PRRX1: variants seen among roughly 807,000 people sequenced by gnomAD.
PRRX1 encodes the protein paired mesoderm homeobox protein 1.
PRRX1 carries 8 observed loss-of-function variants against 24.0 expected under a neutral mutation model. The ratio of observed to expected loss-of-function variants is 0.33; its 90% CI spans 0.20 to 0.60. PRRX1 has a LOEUF of 0.60. Ranked by LOEUF, PRRX1 falls within the 20% of genes least tolerant of loss-of-function variation. PRRX1 has a pLI of 0.82. For synonymous variants in PRRX1, 160 were observed against 131.7 expected (o/e 1.22, Z -1.47); for missense variants, 281 against 322.4 (o/e 0.87, Z 0.98).
chr1:170,696,369 T>C (rs1654169615), intron 1 of PRRX1, among the ~76,000 whole-genome samples: 1 of 152,210 alleles, frequency 6.6e-6, no homozygotes, highest in South Asian at 2.1e-4. Context: ...TATTCTCTAG[T>C]GTGCGGTTCT....
At chr1:170,720,658 T>C (rs1437248978) in intron 2 of PRRX1, among the ~76,000 whole-genome samples, 1 of 152,190 alleles carries the variant, frequency 6.6e-6, no homozygotes, top group African/African-American at 2.4e-5. Flanking sequence ...TAAGTACACA[T>C]GAGTATGAGC....
chr1:170,728,670 A>G (rs187805322), intron 3 of PRRX1: 1 of 152,356 alleles, frequency 6.6e-6, no homozygotes, highest in East Asian at 1.9e-4. Context: ...TATAAGCAGA[A>G]AAGTGATGTT....
intron 3 of PRRX1, among the ~76,000 whole-genome samples, chr1:170,734,067 T>C (rs367969473): frequency 2.6e-5 from 4 of 152,130 alleles, no homozygotes; most frequent in African/African-American, 9.6e-5. Context: ...TAATAACTTG[T>C]TCAGTTTTTA....
At chr1:170,714,979 T>C (rs1318825829) in intron 1 of PRRX1, among the ~76,000 whole-genome samples, 1 of 152,190 alleles carries the variant, frequency 6.6e-6, no homozygotes, top group African/African-American at 2.4e-5. Flanking sequence ...TTAGTACCTC[T>C]TTCTTGTGTA....
chr1:170,672,230 C>A (rs1276911524), intron 1 of PRRX1, among the ~76,000 whole-genome samples: 1 of 152,180 alleles, frequency 6.6e-6, no homozygotes, highest in Non-Finnish European at 1.5e-5. Context: ...TTAACCCCTT[C>A]TGTAAATTTA....
At chr1:170,686,714 T>C (rs1016646569) in intron 1 of PRRX1, among the ~76,000 whole-genome samples, 2 of 152,164 alleles carry the variant, frequency 1.3e-5, no homozygotes, top group Non-Finnish European at 2.9e-5. Context: ...GATTTACCAC[T>C]TGGTGTATTC....
intron 1 of PRRX1, 79 bp from the exon 2 acceptor site, chr1:170,719,647 A>C: frequency 6.9e-7 from 1 of 1,443,980 alleles, no homozygotes; most frequent in Non-Finnish European, 9.6e-7. Context: ...AGATCTCACT[A>C]TAGATATACC....
At chr1:170,673,169 A>G (rs896398510) in intron 1 of PRRX1, among the ~76,000 whole-genome samples, 1 of 152,228 alleles carries the variant, frequency 6.6e-6, no homozygotes, top group African/African-American at 2.4e-5. Flanking sequence ...TAACTCATAA[A>G]TATATGAATT....
chr1:170,736,768 C>T lies in PRRX1; in HGVS notation c.*582C>T, dbSNP rs2101930301. 1 of 190,984 alleles carries T rather than the reference C, an allele frequency of 5.2e-6. No homozygotes were observed. Among genetic ancestry groups the T allele is most frequent in the South Asian group, 1.9e-4 (1 of 5,194 alleles). The allele number at this position is 190,984 out of a possible 1,614,324, so 11.8% of individuals were successfully genotyped here. A position where few individuals can be genotyped will look rare whatever the true frequency, so the allele number is the denominator to read the frequency against. ...GTTGGTCATGGTAAGGTTTTTCCATCAGCCTCTGAAAAAATAGTTGTGCAC... is the reference window on the plus strand; with the variant it reads ...GTTGGTCATGGTAAGGTTTTTCCATTAGCCTCTGAAAAAATAGTTGTGCAC... On this transcript the variant is annotated 3_prime_UTR_variant, in exon 4 of 4. Coordinates refer to ENST00000239461, the MANE Select transcript of PRRX1 (RefSeq NM_022716.4).
chr1:170,664,987 G>A (rs370544814), intron 1 of PRRX1, among the ~76,000 whole-genome samples: 45 of 152,372 alleles, frequency 3.0e-4, no homozygotes, highest in African/African-American at 1.1e-3. Context: ...CGCGGGCACC[G>A]TAAGGCCGGG....
At chr1:170,666,769 G>A (rs763069953) in intron 1 of PRRX1, among the ~76,000 whole-genome samples, 1 of 152,128 alleles carries the variant, frequency 6.6e-6, no homozygotes, top group East Asian at 1.9e-4. Flanking sequence ...AAATTGTACC[G>A]GTTGTTTGGC....
At position 170,736,090 on chromosome 1, in the gene PRRX1, T is replaced by C; in HGVS notation, c.642T>C (p.Pro214=). ...CTGCCACATGTGCCAACAATAGCCC[T>C]GCACAGGGCATCAACATGGCCAACA... ...TYSATCANNS[P]AQGINMANSI... Residue 214 remains proline (P), a synonymous_variant, in exon 4 of 4, where the codon CCT becomes CCC. Transcript: ENST00000239461. 1 of 1,614,126 alleles carries C rather than the reference T, an allele frequency of 6.2e-7. No homozygotes were observed.
intron 1 of PRRX1, among the ~76,000 whole-genome samples, chr1:170,699,452 G>A (rs555048302): frequency 1.3e-5 from 2 of 151,944 alleles, no homozygotes; most frequent in East Asian, 1.9e-4. Context: ...TTTGCACACA[G>A]CTCCTCTAGA....
At chr1:170,675,807 A>T (rs1653303045) in intron 1 of PRRX1, among the ~76,000 whole-genome samples, 1 of 152,214 alleles carries the variant, frequency 6.6e-6, no homozygotes, top group Non-Finnish European at 1.5e-5. Context: ...AAGTATTAAC[A>T]AGTGATATAA....
At chr1:170,690,638 C>T (rs1355644343) in intron 1 of PRRX1, among the ~76,000 whole-genome samples, 4 of 151,970 alleles carry the variant, frequency 2.6e-5, no homozygotes, top group Non-Finnish European at 4.4e-5. Context: ...TCCCTGCTTC[C>T]TCCTATATAT....
intron 1 of PRRX1, among the ~76,000 whole-genome samples, chr1:170,718,605 T>G (rs952894055): frequency 3.9e-5 from 6 of 152,232 alleles, no homozygotes; most frequent in African/African-American, 1.4e-4. Flanking sequence ...TTCTTTGGGC[T>G]GAGCCTCTTT....
chr1:170,736,544 C>CTATATATATATA lies in PRRX1; in HGVS notation c.*374_*385dup, dbSNP rs61148079. The CTATATATATATA allele has an allele frequency of 9.3e-6, 2 of 214,888 alleles. No homozygotes were observed. Among genetic ancestry groups the CTATATATATATA allele is most frequent in the African/African-American group, 2.4e-5 (1 of 40,940 alleles). The allele number at this position is 214,888 out of a possible 1,614,324, so 13.3% of individuals were successfully genotyped here. A position where few individuals can be genotyped will look rare whatever the true frequency, so the allele number is the denominator to read the frequency against. On this transcript the variant is annotated 3_prime_UTR_variant, in exon 4 of 4. Transcript: ENST00000239461. ...AAAAAAACTACAGCAGCCAAAGAAA[C>CTATATATATATA]TATATATATATATATATATATATAT... is the stretch of plus-strand genomic sequence containing the variant.
At chr1:170,700,211 T>A (rs1654309499) in intron 1 of PRRX1, among the ~76,000 whole-genome samples, 1 of 152,152 alleles carries the variant, frequency 6.6e-6, no homozygotes, top group African/African-American at 2.4e-5. Context: ...CAAGCCAAAT[T>A]CATTCATAGG....
intron 2 of PRRX1, among the ~76,000 whole-genome samples, chr1:170,724,111 G>C (rs1181633230): frequency 1.3e-5 from 2 of 151,896 alleles, no homozygotes; most frequent in African/African-American, 2.4e-5. Flanking sequence ...AAACAATATC[G>C]TTTGCCCACT....
Sources: gnomAD v4.1 joint callset for allele counts (sites outside exome capture counted in the v4.1 genomes callset) on GRCh38, gnomAD v4.1.1 for gene constraint, MANE v1.5 for transcripts, NCBI Gene and HGNC (gene_info 2026-07-23, HGNC 2026-07-21) for gene names.